PREX2: variants seen among roughly 807,000 people sequenced by gnomAD.
The protein encoded by PREX2 is phosphatidylinositol 3,4,5-trisphosphate-dependent Rac exchanger 2 protein.
Under a neutral mutation model 203.2 loss-of-function variants are expected in PREX2, and 107 were observed. The ratio of observed to expected loss-of-function variants is 0.53; its 90% CI spans 0.45 to 0.62. The LOEUF (loss-of-function observed/expected upper bound fraction) is 0.62. PREX2 is among the 20% of genes least tolerant of loss of function. PREX2 has a pLI of 0.00. For missense variants in PREX2, 1,777 were observed against 1,955.9 expected (o/e 0.91, Z 1.72); for synonymous variants, 672 against 663.6 (o/e 1.01, Z -0.19).
In PREX2 at chr8:68,133,896, T is replaced by C. The variant is rs144147053; in HGVS notation, c.3767-163T>C. 2.0e-5 allele frequency among the ~76,000 whole-genome samples: 3 copies of C among 152,382 alleles called. No homozygotes were observed. In the East Asian group the frequency reaches 5.8e-4, roughly 29 times the overall value. ...GTTTAGTGTTTTCTGTAAAGCATATTTGCTAGAATGTGTGTGGTCATTTAT... is the reference window on the plus strand; with the variant it reads ...GTTTAGTGTTTTCTGTAAAGCATATCTGCTAGAATGTGTGTGGTCATTTAT... On this transcript the variant is annotated intron_variant, in intron 31 of 39. Coordinates refer to ENST00000288368, the MANE Select transcript of PREX2 (RefSeq NM_024870.4).
intron 25 of PREX2, among the ~76,000 whole-genome samples, chr8:68,115,113 C>T (rs146107118): frequency 0.02 from 2,976 of 150,338 alleles, 102 homozygotes; most frequent in African/African-American, 0.068. Flanking sequence ...CCACAACCTC[C>T]GCCTCCTGGG....
chr8:68,145,827 A>G (rs529175625), intron 33 of PREX2, among the ~76,000 whole-genome samples: 3 of 152,224 alleles, frequency 2.0e-5, no homozygotes, highest in East Asian at 3.9e-4. Flanking sequence ...AATTTCTTGC[A>G]CACTACTTAA....
intron 14 of PREX2, among the ~76,000 whole-genome samples, chr8:68,075,752 C>A (rs548151560): frequency 1.3e-5 from 2 of 152,046 alleles, no homozygotes; most frequent in African/African-American, 2.4e-5. Context: ...CAAAACAGCT[C>A]GATTTTTGAA....
chr8:68,105,400 C>A (rs746794927), intron 23 of PREX2: 2 of 1,324,384 alleles, frequency 1.5e-6, no homozygotes, highest in African/African-American at 1.5e-5. Context: ...CCCTTAGACA[C>A]AGTACACAGC....
At chr8:67,993,276 A>T (rs998510228) in intron 1 of PREX2, among the ~76,000 whole-genome samples, 1 of 152,196 alleles carries the variant, frequency 6.6e-6, no homozygotes, top group Non-Finnish European at 1.5e-5. Flanking sequence ...AGATAATAGC[A>T]TCCATTTGGA....
intron 1 of PREX2, among the ~76,000 whole-genome samples, chr8:68,013,483 C>T (rs1392541669): frequency 2.0e-5 from 3 of 152,186 alleles, no homozygotes; most frequent in Non-Finnish European, 4.4e-5. Context: ...GATTCTCCCA[C>T]CCCAAAACCT....
chr8:68,124,151 G>A (rs1478817692), intron 30 of PREX2, among the ~76,000 whole-genome samples: 9 of 151,854 alleles, frequency 5.9e-5, no homozygotes, highest in Admixed American at 5.9e-4. Context: ...TATAAACAAA[G>A]GAATATAAAT....
At chr8:68,143,876 TGTGA>T (rs1460756121) in intron 33 of PREX2, among the ~76,000 whole-genome samples, 8 of 152,296 alleles carry the variant, frequency 5.3e-5, no homozygotes, top group African/African-American at 9.6e-5. Flanking sequence ...GAGGATATAA[TGTGA>T]GTATCTAGAT....
Position 68,053,239 on chromosome 8 carries a change from G to C in PREX2, c.1086G>C (p.Arg362=). ...WFEAILKERE[R]RKGLKLGMEQ... Reference sequence around the variant, plus strand: ...AAGCTATTTTGAAAGAAAGAGAACGGCGGAAAGGTGGGTGTATGAATTGGG... The same window carrying C: ...AAGCTATTTTGAAAGAAAGAGAACGCCGGAAAGGTGGGTGTATGAATTGGG... The change falls in exon 9 of 40, where the codon CGG becomes CGC. Residue 362 remains arginine, a synonymous_variant. Coordinates refer to ENST00000288368, the MANE Select transcript of PREX2 (RefSeq NM_024870.4). 2 of 1,613,574 alleles carry C rather than the reference G, an allele frequency of 1.2e-6. No individual in the cohort carries two copies. The highest frequency in any genetic ancestry group is 8.5e-7 in the Non-Finnish European group (1 of 1,179,606).
chr8:68,217,527 C>T, intron 37 of PREX2, 89 bp from the exon 38 acceptor site: 1 of 908,460 alleles, frequency 1.1e-6, no homozygotes, highest in Non-Finnish European at 1.8e-6. Context: ...TTGGCTGGTG[C>T]TTTCTGATTT....
rs1449367227 is a variant in PREX2, at chr8:68,098,927, CATATATATGTGTATATATATATAT to C, written c.2554-746_2554-723del. On this transcript the variant is annotated intron_variant, in intron 22 of 39. Transcript: ENST00000288368. ...AATGTCTGATTAATCAGAAATGCTA[CATATATATGTGTATATATATATAT>C]ATATATATATATATATATATATATA... is the stretch of plus-strand genomic sequence containing the variant. Among the ~76,000 whole-genome samples the C allele has an allele frequency of 1.6e-4, 17 of 106,566 alleles. No homozygotes were observed. In the East Asian group the frequency reaches 2.5e-3, roughly 16 times the overall value. The allele number at this position is 106,566 out of a possible 152,430, so 69.9% of individuals were successfully genotyped here. A position where few individuals can be genotyped will look rare whatever the true frequency, so the allele number is the denominator to read the frequency against.
At chr8:67,981,149 G>A (rs1213715105) in intron 1 of PREX2, among the ~76,000 whole-genome samples, 2 of 152,114 alleles carry the variant, frequency 1.3e-5, no homozygotes, top group Non-Finnish European at 2.9e-5. Flanking sequence ...ACAGTTATTG[G>A]GAAAAAGATG....
In PREX2 at chr8:68,142,324, C is replaced by T. The variant is rs34198953; in HGVS notation, c.4087+3807C>T. Among the ~76,000 whole-genome samples, 1,125 of 152,240 alleles carry T rather than the reference C, an allele frequency of 7.4e-3. 9 individuals are homozygous for T. Among genetic ancestry groups the T allele is most frequent in the Middle Eastern group, 0.017 (5 of 294 alleles). ...CACTCTGCACCCAACCCCTGGCATC[C>T]ACTGATTTTCTCTACTTTCTCCATA... is the stretch of plus-strand genomic sequence containing the variant. On this transcript the variant is annotated intron_variant, in intron 33 of 39. Transcript: ENST00000288368.
intron 37 of PREX2, among the ~76,000 whole-genome samples, chr8:68,208,071 A>G (rs1812670067): frequency 6.6e-6 from 1 of 152,196 alleles, no homozygotes; most frequent in Admixed American, 6.5e-5. Flanking sequence ...GCATTTTAAA[A>G]AGGTCACCTT....
chr8:67,962,898 ATGCCTGGCCAATTTTATAT>A (rs1805671792), intron 1 of PREX2, among the ~76,000 whole-genome samples: 1 of 152,136 alleles, frequency 6.6e-6, no homozygotes, highest in African/African-American at 2.4e-5. Context: ...GTGAACTACC[ATGCCTGGCCAATTTTATAT>A]ATTTTATATA....
intron 1 of PREX2, among the ~76,000 whole-genome samples, chr8:68,006,083 A>G (rs1308624196): frequency 1.3e-5 from 2 of 152,160 alleles, no homozygotes; most frequent in Admixed American, 1.3e-4. Flanking sequence ...CAAAATGTAC[A>G]ATTTTACAGT....
At chr8:67,956,599 G>T (rs1180285166) in intron 1 of PREX2, among the ~76,000 whole-genome samples, 1 of 152,166 alleles carries the variant, frequency 6.6e-6, no homozygotes, top group Non-Finnish European at 1.5e-5. Context: ...TTTTTATTTT[G>T]CACTGGGCCT....
intron 35 of PREX2, among the ~76,000 whole-genome samples, chr8:68,175,976 C>T (rs1218736886): frequency 4.6e-5 from 7 of 152,020 alleles, no homozygotes; most frequent in African/African-American, 1.7e-4. Flanking sequence ...GCCTATAGTT[C>T]TATTCCATTC....
intron 35 of PREX2, among the ~76,000 whole-genome samples, chr8:68,173,166 C>G (rs1295883766): frequency 6.6e-6 from 1 of 152,126 alleles, no homozygotes; most frequent in Non-Finnish European, 1.5e-5. Flanking sequence ...GAATTGGAAA[C>G]CAGATTAGTC....
Sources: gnomAD v4.1 joint callset for allele counts (sites outside exome capture counted in the v4.1 genomes callset) on GRCh38, gnomAD v4.1.1 for gene constraint, MANE v1.5 for transcripts, NCBI Gene and HGNC (gene_info 2026-07-23, HGNC 2026-07-21) for gene names.